Variants in AGBL4 observed in about 807,000 individuals in gnomAD.
AGBL4 encodes the protein AGBL carboxypeptidase 4, also known as cytosolic carboxypeptidase 6.
In AGBL4, 58 loss-of-function variants were observed where a neutral mutation model predicts 66.4. The observed-to-expected ratio is 0.87, with a 90% CI of 0.71 to 1.09. AGBL4 has a LOEUF of 1.09. AGBL4 is among the 50% of genes least tolerant of loss of function. The pLI, the probability that AGBL4 is intolerant of heterozygous loss-of-function variation, is 0.00. For synonymous variants in AGBL4, 234 were observed against 222.9 expected (o/e 1.05, Z -0.44); for missense variants, 579 against 631.0 (o/e 0.92, Z 0.88).
Position 49,593,206 on chromosome 1 carries a change from C to T in AGBL4, c.282+104107G>A, listed in dbSNP as rs990411571. On this transcript the variant is annotated intron_variant, in intron 3 of 13. Transcript: ENST00000371839. ...GGTGGATCACGAGGTCAGATTGAGA[C>T]CATCCTGGCTAACACGGTGAAACCC... 1.6e-4 allele frequency among the ~76,000 whole-genome samples: 25 copies of T among 152,198 alleles called. No homozygotes were observed. In the South Asian group the frequency reaches 3.5e-3, roughly 21 times the overall value.
chr1:48,543,779 G>A (rs756661660), intron 11 of AGBL4, among the ~76,000 whole-genome samples: 2 of 152,180 alleles, frequency 1.3e-5, no homozygotes, highest in African/African-American at 2.4e-5. Context: ...TAGCATTTAC[G>A]GAGCACCTAC....
intron 2 of AGBL4, among the ~76,000 whole-genome samples, chr1:49,698,501 T>G: frequency 6.6e-6 from 1 of 152,036 alleles, no homozygotes; most frequent in East Asian, 1.9e-4. Flanking sequence ...ATTTTACATC[T>G]GAGAAAACCA....
At chr1:49,271,210 A>G (rs994536933) in intron 3 of AGBL4, among the ~76,000 whole-genome samples, 6 of 152,044 alleles carry the variant, frequency 3.9e-5, no homozygotes, top group African/African-American at 1.2e-4. Context: ...TCTTCCATCT[A>G]TGGGGACATA....
At chr1:49,119,778 G>A (rs1037871893) in intron 4 of AGBL4, among the ~76,000 whole-genome samples, 1 of 152,102 alleles carries the variant, frequency 6.6e-6, no homozygotes, top group Non-Finnish European at 1.5e-5. Flanking sequence ...TTGTTGTGCA[G>A]TGTTAAAGTC....
intron 6 of AGBL4, among the ~76,000 whole-genome samples, chr1:48,862,466 C>T (rs982742454): frequency 2.4e-4 from 36 of 152,126 alleles, no homozygotes; most frequent in African/African-American, 5.6e-4. Flanking sequence ...GGACTACAGG[C>T]GCCCGCCACC....
intron 8 of AGBL4, among the ~76,000 whole-genome samples, chr1:48,642,154 T>C (rs12058997): frequency 0.11 from 16,608 of 152,132 alleles, 1,209 homozygotes; most frequent in African/African-American, 0.2. Flanking sequence ...GTGTACAAAC[T>C]GCACATCCAT....
At chr1:48,771,915 T>C (rs1222804873) in intron 6 of AGBL4, among the ~76,000 whole-genome samples, 2 of 152,238 alleles carry the variant, frequency 1.3e-5, no homozygotes, top group African/African-American at 4.8e-5. Context: ...ATAAAGAATG[T>C]TGACTTCTTC....
intron 6 of AGBL4, among the ~76,000 whole-genome samples, chr1:48,687,173 T>C (rs1453255193): frequency 6.6e-6 from 1 of 151,136 alleles, no homozygotes; most frequent in Non-Finnish European, 1.5e-5. Context: ...ACCAGACCAA[T>C]GTGGAGAAGG....
chr1:48,524,551 C>T, the AGBL4 span, among the ~76,000 whole-genome samples: 1 of 152,000 alleles, frequency 6.6e-6, no homozygotes, highest in Non-Finnish European at 1.5e-5. Flanking sequence ...GAGGGGTGAT[C>T]CATTAATATG....
At chr1:49,997,384 C>T (rs1486339005) in intron 1 of AGBL4, among the ~76,000 whole-genome samples, 1 of 152,036 alleles carries the variant, frequency 6.6e-6, no homozygotes, top group Non-Finnish European at 1.5e-5. Flanking sequence ...CAAATGGACA[C>T]CAAAAGTGAG....
intron 3 of AGBL4, among the ~76,000 whole-genome samples, chr1:49,454,427 C>A (rs1227938221): frequency 6.6e-6 from 1 of 151,660 alleles, no homozygotes; most frequent in Non-Finnish European, 1.5e-5. Flanking sequence ...TGAAGATAAC[C>A]AGGCAGAGGC....
chr1:48,776,915 T>C (rs1645125991), intron 6 of AGBL4: 1 of 431,398 alleles, frequency 2.3e-6, no homozygotes, highest in Non-Finnish European at 3.9e-6. Context: ...GGGGCGCGAG[T>C]CTCGCTACGG....
intron 3 of AGBL4, among the ~76,000 whole-genome samples, chr1:49,453,683 G>T (rs901149724): frequency 4.0e-5 from 6 of 151,726 alleles, no homozygotes; most frequent in South Asian, 2.1e-4. Flanking sequence ...ATCAGATAAA[G>T]AACATTTAAT....
intron 5 of AGBL4, among the ~76,000 whole-genome samples, chr1:48,930,805 CTCAT>C (rs796775978): frequency 7.9e-5 from 12 of 151,512 alleles, no homozygotes; most frequent in African/African-American, 2.9e-4. Context: ...GGTTCATTCA[CTCAT>C]TCATTCATTC....
chr1:48,720,565 A>G (rs1647129305), intron 6 of AGBL4, among the ~76,000 whole-genome samples: 1 of 152,224 alleles, frequency 6.6e-6, no homozygotes, highest in African/African-American at 2.4e-5. Context: ...TGAAATGCAA[A>G]TGGTAATAGT....
Position 48,609,837 on chromosome 1 carries a change from C to T in AGBL4, c.952-18852G>A, listed in dbSNP as rs143402923. Among the ~76,000 whole-genome samples the T allele has an allele frequency of 1.6e-3, 244 of 152,318 alleles. 3 individuals carry two copies. Among genetic ancestry groups the T allele is most frequent in the East Asian group, 0.012 (64 of 5,184 alleles). On this transcript the variant is annotated intron_variant, in intron 9 of 13. Transcript: ENST00000371839. ...TTTATCCTTTAAGACTCAATACTGG[C>T]GTCGCTTCCTTTCAGAAGCCTTTCC...
intron 3 of AGBL4, among the ~76,000 whole-genome samples, chr1:49,449,518 G>C (rs1457140226): frequency 6.6e-6 from 1 of 151,942 alleles, no homozygotes; most frequent in Non-Finnish European, 1.5e-5. Context: ...AGGCAGGAAG[G>C]GCCCATACTT....
At chr1:49,565,231 C>A (rs192947060) in intron 3 of AGBL4, among the ~76,000 whole-genome samples, 6 of 152,196 alleles carry the variant, frequency 3.9e-5, no homozygotes, top group Non-Finnish European at 7.3e-5. Context: ...TTGAATACAG[C>A]ACACTGATAG....
intron 4 of AGBL4, among the ~76,000 whole-genome samples, chr1:49,226,275 A>T (rs1649902249): frequency 6.6e-6 from 1 of 152,206 alleles, no homozygotes; most frequent in African/African-American, 2.4e-5. Context: ...CACAATACTT[A>T]ACTTGAATAA....
Sources: gnomAD v4.1 joint callset for allele counts (sites outside exome capture counted in the v4.1 genomes callset) on GRCh38, gnomAD v4.1.1 for gene constraint, MANE v1.5 for transcripts, NCBI Gene and HGNC (gene_info 2026-07-23, HGNC 2026-07-21) for gene names.